AK5: variants seen among roughly 807,000 people sequenced by gnomAD.
AK5 encodes adenylate kinase 5, also known as adenylate kinase isoenzyme 5.
AK5 carries 27 observed loss-of-function variants against 69.5 expected under a neutral mutation model. The observed-to-expected ratio is 0.39, with a 90% CI of 0.29 to 0.54. The LOEUF (loss-of-function observed/expected upper bound fraction) is 0.54, where lower values mean the gene tolerates loss of function less well. Among genes scored for constraint, AK5 ranks in the 20% least tolerant of loss-of-function variants. The pLI is 0.71. For synonymous variants in AK5, 260 were observed against 244.4 expected, an observed-to-expected ratio of 1.06 and a Z score of -0.60; for missense variants, 531 against 700.4, an observed-to-expected ratio of 0.76 and a Z score of 2.73.
chr1:77,471,499 T>C (rs973301262), intron 8 of AK5, among the ~76,000 whole-genome samples: 1 of 152,236 alleles, frequency 6.6e-6, no homozygotes, highest in Non-Finnish European at 1.5e-5. Flanking sequence ...CACCTGTTCA[T>C]GCTTTTCCCC....
At chr1:77,485,670 A>G (rs1655542285) in intron 9 of AK5, among the ~76,000 whole-genome samples, 1 of 152,248 alleles carries the variant, frequency 6.6e-6, no homozygotes, top group African/African-American at 2.4e-5. Context: ...TTTAAATGTG[A>G]AATAACACCA....
chr1:77,435,848 C>T (rs539268342), intron 8 of AK5, among the ~76,000 whole-genome samples: 134 of 152,174 alleles, frequency 8.8e-4, no homozygotes, highest in African/African-American at 3.2e-3. Context: ...TGTATATAAT[C>T]CTTAATCCTT....
intron 2 of AK5, among the ~76,000 whole-genome samples, chr1:77,292,111 G>A (rs1658719419): frequency 6.6e-6 from 1 of 152,228 alleles, no homozygotes; most frequent in Non-Finnish European, 1.5e-5. Context: ...TAGAGATGGA[G>A]AGAAGCATAT....
chr1:77,357,821 T>A (rs1434226415), intron 6 of AK5, among the ~76,000 whole-genome samples: 1 of 152,186 alleles, frequency 6.6e-6, no homozygotes, highest in Non-Finnish European at 1.5e-5. Flanking sequence ...GCCATGTTAT[T>A]TTCTATCATT....
At chr1:77,285,184 G>A (rs575703547) in intron 1 of AK5, among the ~76,000 whole-genome samples, 2 of 152,328 alleles carry the variant, frequency 1.3e-5, no homozygotes, top group East Asian at 3.9e-4. Flanking sequence ...ACAGGGCTGA[G>A]AATGCACTGG....
intron 6 of AK5, among the ~76,000 whole-genome samples, chr1:77,381,560 C>G (rs1553142509): frequency 6.6e-6 from 1 of 152,168 alleles, no homozygotes; most frequent in Non-Finnish European, 1.5e-5. Flanking sequence ...GAGGGCAAGA[C>G]AGACATGCAA....
chr1:77,301,569 TACTC>T (rs1408826685), intron 5 of AK5, among the ~76,000 whole-genome samples: 1 of 152,218 alleles, frequency 6.6e-6, no homozygotes, highest in Non-Finnish European at 1.5e-5. Flanking sequence ...ACATACAATG[TACTC>T]ACTCACTCCC....
At position 77,422,130 on chromosome 1, in the gene AK5, T is replaced by C. The variant is rs557189792; in HGVS notation, c.1059+4415T>C. ...CACAAGGGCGTCTTCCTAGCCTCCT[T>C]CCTTTCTCTCTCTTCCTACATCAGT... On this transcript the variant is annotated intron_variant, in intron 8 of 13. Coordinates refer to ENST00000354567, the MANE Select transcript of AK5 (RefSeq NM_174858.3). Among the ~76,000 whole-genome samples the C allele has an allele frequency of 1.8e-4, 27 of 152,276 alleles. No homozygotes were observed. In the South Asian group the frequency reaches 5.4e-3, roughly 30 times the overall value.
At chr1:77,378,631 T>C (rs1456895070) in intron 6 of AK5, among the ~76,000 whole-genome samples, 2 of 152,296 alleles carry the variant, frequency 1.3e-5, no homozygotes, top group East Asian at 1.9e-4. Context: ...AGTATAATAG[T>C]ATTTGAAGGC....
In AK5 at chr1:77,509,543, C is replaced by T. The variant is rs555065620; in HGVS notation, c.1148-9021C>T. Among the ~76,000 whole-genome samples the T allele has an allele frequency of 3.9e-5, 6 of 152,240 alleles. No individual in the cohort carries two copies. In the East Asian group the frequency reaches 9.7e-4, roughly 25 times the overall value. Reference sequence around the variant, plus strand: ...ATGATCTGATGGCATAATAATTTTTCTCAGAAAAGAGTCATTCGGTCACAA... The same window carrying T: ...ATGATCTGATGGCATAATAATTTTTTTCAGAAAAGAGTCATTCGGTCACAA... On this transcript the variant is annotated intron_variant, in intron 10 of 13. Transcript: ENST00000354567.
intron 5 of AK5, among the ~76,000 whole-genome samples, chr1:77,330,882 A>G (rs1036146009): frequency 2.6e-5 from 4 of 152,182 alleles, no homozygotes; most frequent in African/African-American, 9.6e-5. Flanking sequence ...TTTAATGTCT[A>G]CCAAGATTAG....
At chr1:77,509,032 CA>C (rs1261666284) in intron 10 of AK5, among the ~76,000 whole-genome samples, 1 of 152,132 alleles carries the variant, frequency 6.6e-6, no homozygotes, top group East Asian at 1.9e-4. Context: ...AGCTAGCACC[CA>C]AAGAGGCAAA....
intron 6 of AK5, among the ~76,000 whole-genome samples, chr1:77,354,999 C>T (rs1210403092): frequency 6.6e-6 from 1 of 152,176 alleles, no homozygotes; most frequent in Non-Finnish European, 1.5e-5. Context: ...ACAGACATCA[C>T]GATCACTTGA....
intron 6 of AK5, among the ~76,000 whole-genome samples, chr1:77,354,600 A>G (rs1380245295): frequency 6.6e-6 from 1 of 152,232 alleles, no homozygotes; most frequent in African/African-American, 2.4e-5. Flanking sequence ...CGTTCATCCT[A>G]ATAAGCTGAG....
chr1:77,297,386 A>G (rs1167207), intron 3 of AK5, among the ~76,000 whole-genome samples, 173 bp from the exon 4 acceptor site: 126,350 of 152,076 alleles, frequency 0.83, 52,731 homozygotes, highest in South Asian at 0.9. Context: ...TTTCCTTGAC[A>G]AAGTCTCTAC....
chr1:77,551,423 T>C (rs565907644), intron 13 of AK5, among the ~76,000 whole-genome samples: 1 of 152,278 alleles, frequency 6.6e-6, no homozygotes, highest in South Asian at 2.1e-4. Flanking sequence ...TACCCATATC[T>C]TTGGGCTCCA....
intron 10 of AK5, among the ~76,000 whole-genome samples, chr1:77,487,044 G>A (rs1655650246): frequency 6.6e-6 from 1 of 152,182 alleles, no homozygotes; most frequent in Non-Finnish European, 1.5e-5. Flanking sequence ...GCCAGATCCT[G>A]ATTCTATACA....
chr1:77,461,477 A>G (rs1653836411), intron 8 of AK5, among the ~76,000 whole-genome samples: 1 of 151,984 alleles, frequency 6.6e-6, no homozygotes, highest in Admixed American at 6.6e-5. Context: ...AATACATTCA[A>G]GAAATCTATT....
chr1:77,292,245 G>T (rs1278805081), intron 2 of AK5, among the ~76,000 whole-genome samples: 1 of 152,202 alleles, frequency 6.6e-6, no homozygotes, highest in Non-Finnish European at 1.5e-5. Flanking sequence ...AAATTTCAAG[G>T]CAGAATAGGA....
Sources: gnomAD v4.1 joint callset for allele counts (sites outside exome capture counted in the v4.1 genomes callset) on GRCh38, gnomAD v4.1.1 for gene constraint, MANE v1.5 for transcripts, NCBI Gene and HGNC (gene_info 2026-07-23, HGNC 2026-07-21) for gene names.